ZFYVE16: variants seen among roughly 807,000 people sequenced by gnomAD.
ZFYVE16 encodes the protein zinc finger FYVE-type containing 16.
Under a neutral mutation model 138.1 loss-of-function variants are expected in ZFYVE16, and 89 were observed. That is an observed-to-expected ratio of 0.64 (90% CI 0.54 to 0.77). The LOEUF (loss-of-function observed/expected upper bound fraction) is 0.77, where lower values mean the gene tolerates loss of function less well. Ranked by LOEUF, ZFYVE16 falls within the 30% of genes least tolerant of loss-of-function variation. ZFYVE16 has a pLI of 0.00. For missense variants in ZFYVE16, 1,793 were observed against 1,786.7 expected (o/e 1.00, Z -0.06); for synonymous variants, 596 against 618.3 (o/e 0.96, Z 0.53).
At chr5:80,422,145 T>C (rs1479722139) in intron 1 of ZFYVE16, among the ~76,000 whole-genome samples, 2 of 152,214 alleles carry the variant, frequency 1.3e-5, no homozygotes, top group Non-Finnish European at 2.9e-5. Flanking sequence ...CACCTTAATT[T>C]TGTATCCTGA....
chr5:80,432,919 G>C (rs1014435230), intron 2 of ZFYVE16, among the ~76,000 whole-genome samples: 55 of 152,126 alleles, frequency 3.6e-4, no homozygotes, highest in Admixed American at 1.2e-3. Flanking sequence ...TTAGAATGGC[G>C]ATCCTTAAAA....
chr5:80,435,780 G>T, intron 3 of ZFYVE16: 1 of 427,482 alleles, frequency 2.3e-6, no homozygotes, highest in Non-Finnish European at 4.7e-6. Context: ...TCACTGTGTT[G>T]CTCAGGCTGG....
intron 1 of ZFYVE16, among the ~76,000 whole-genome samples, chr5:80,415,181 A>T (rs1382337113): frequency 6.6e-6 from 1 of 152,054 alleles, no homozygotes; most frequent in African/African-American, 2.4e-5. Context: ...TAACACCTTG[A>T]TTGCATTTTT....
In ZFYVE16 at chr5:80,436,901, C is replaced by G; in HGVS notation, c.216C>G (p.Ser72Arg). The part of the protein sequence containing the change: ...CVNSCASSET[S>R]YGTNESSLNE... The stretch of plus-strand genomic sequence containing the variant: ...ATAGTTGTGCCTCATCAGAAACAAG[C>G]TATGGAACAAATGAGAGTTCCCTGA... Residue 72 changes from serine to arginine, a missense_variant, in exon 4 of 19, where the codon AGC becomes AGG. Physicochemically the swap from Ser to Arg is moderately radical, Grantham distance 110. Transcript: ENST00000505560. The G allele has an allele frequency of 6.2e-7, 1 of 1,614,110 alleles. No individual in the cohort carries two copies. The highest frequency in any genetic ancestry group is 8.5e-7 in the Non-Finnish European group (1 of 1,180,018).
At chr5:80,433,354 G>T (rs1490116665) in intron 2 of ZFYVE16, among the ~76,000 whole-genome samples, 1 of 152,064 alleles carries the variant, frequency 6.6e-6, no homozygotes, top group African/African-American at 2.4e-5. Flanking sequence ...ACCAAACACC[G>T]CATATTCTCA....
intron 1 of ZFYVE16, among the ~76,000 whole-genome samples, chr5:80,424,563 G>A (rs1747720418): frequency 6.6e-6 from 1 of 151,498 alleles, no homozygotes; most frequent in Non-Finnish European, 1.5e-5. Flanking sequence ...CTGGGATCAA[G>A]TGATTCTCCT....
chr5:80,432,110 A>T (rs868767419), intron 2 of ZFYVE16, among the ~76,000 whole-genome samples: 1 of 152,188 alleles, frequency 6.6e-6, no homozygotes, highest in African/African-American at 2.4e-5. Flanking sequence ...GAACCAAAAA[A>T]GGGCCCGCAT....
chr5:80,438,138 T>C lies in ZFYVE16; in HGVS notation c.1453T>C (p.Ser485Pro), dbSNP rs752302972. The C allele has an allele frequency of 2.0e-5, 33 of 1,613,940 alleles. No homozygotes were observed. Among genetic ancestry groups the C allele is most frequent in the Non-Finnish European group, 2.5e-5 (30 of 1,179,974 alleles). The part of the protein sequence containing the change: ...STVVESQEGL[S>P]GTHVPESSDC... Reference sequence around the variant, plus strand: ...AGTTGTAGAATCTCAAGAGGGGCTTTCTGGCACTCATGTCCCAGAGTCTTC... The same window carrying C: ...AGTTGTAGAATCTCAAGAGGGGCTTCCTGGCACTCATGTCCCAGAGTCTTC... The change falls in exon 4 of 19, where the codon TCT becomes CCT. Residue 485 changes from serine to proline, a missense_variant. Coordinates refer to ENST00000505560, the MANE Select transcript of ZFYVE16 (RefSeq NM_001284236.3).
intron 3 of ZFYVE16, chr5:80,435,856 T>C (rs565637546): frequency 2.8e-4 from 68 of 245,844 alleles, no homozygotes; most frequent in Middle Eastern, 5.3e-4. Flanking sequence ...ATTACAGTTG[T>C]AAGCCACCAT....
At chr5:80,455,540 A>C in intron 11 of ZFYVE16, 152 bp from the exon 12 acceptor site, 1 of 506,628 alleles carries the variant, frequency 2.0e-6, no homozygotes, top group Non-Finnish European at 3.3e-6. Flanking sequence ...TCTCAAAAAC[A>C]AAAAAAAAAT....
At chr5:80,416,416 C>G (rs557842667) in intron 1 of ZFYVE16, among the ~76,000 whole-genome samples, 1 of 151,722 alleles carries the variant, frequency 6.6e-6, no homozygotes, top group South Asian at 2.1e-4. Flanking sequence ...GCACCATGCC[C>G]GGCTAATTTT....
At position 80,438,632 on chromosome 5, in the gene ZFYVE16, T is replaced by G. The variant is rs746502407; in HGVS notation, c.1947T>G (p.Pro649=). The G allele has an allele frequency of 6.2e-7, 1 of 1,614,114 alleles. No homozygotes were observed. The highest frequency in any genetic ancestry group is 8.5e-7 in the Non-Finnish European group (1 of 1,179,990). Residue 649 remains proline, a synonymous_variant, in exon 4 of 19, where the codon CCT becomes CCG. Coordinates refer to ENST00000505560, the MANE Select transcript of ZFYVE16 (RefSeq NM_001284236.3). ...GTCAATCTGTTGGAGGGGCCAGACC[T>G]AAGCAATTGTTTAGCCTTCCATCAA... The part of the protein sequence containing the change: ...INSQSVGGAR[P]KQLFSLPSRT...
intron 3 of ZFYVE16, among the ~76,000 whole-genome samples, chr5:80,434,453 A>G (rs528600707): frequency 1.2e-3 from 184 of 152,344 alleles, no homozygotes; most frequent in African/African-American, 3.8e-3. Context: ...CAAATTAGCT[A>G]TAAGACAGAC....
Position 80,438,939 on chromosome 5 carries a change from A to C in ZFYVE16, c.2254A>C (p.Asn752His). The C allele has an allele frequency of 6.2e-7, 1 of 1,614,082 alleles. No homozygotes were observed. Among genetic ancestry groups the C allele is most frequent in the South Asian group, 1.1e-5 (1 of 91,078 alleles). Reference protein sequence around the residue: ...PTWVPDSEAPNCMNCQVKFTF... With the variant: ...PTWVPDSEAPHCMNCQVKFTF... ...TTGGGTTCCTGATTCAGAAGCTCCA[A>C]ACTGTATGAACTGCCAAGTCAAATT... is the stretch of plus-strand genomic sequence containing the variant. The change falls in exon 4 of 19, where the codon AAC becomes CAC. Residue 752 changes from asparagine (N) to histidine (H), a missense_variant. Physicochemically the swap from Asn to His is moderately conservative, Grantham distance 68. Around this residue, in one of 2 missense-constraint regions of ZFYVE16, gnomAD observed 1,295 missense variants for 1,204.3 expected, o/e 1.08. Coordinates refer to ENST00000505560, the MANE Select transcript of ZFYVE16 (RefSeq NM_001284236.3).
chr5:80,456,303 A>G (rs909904024), intron 12 of ZFYVE16, 158 bp from the exon 13 acceptor site: 1 of 535,148 alleles, frequency 1.9e-6, no homozygotes, highest in Non-Finnish European at 3.3e-6. Flanking sequence ...CTATTTTGGA[A>G]GTTCTGTAAC....
In ZFYVE16 at chr5:80,479,218, A is replaced by G. The variant is rs925544659; in HGVS notation, c.*1841A>G. ...CATTGGTACTTAATTTGAAATTTTAATTTTTTAAGAGAAGAAATAGAATGG... is the reference window on the plus strand; with the variant it reads ...CATTGGTACTTAATTTGAAATTTTAGTTTTTTAAGAGAAGAAATAGAATGG... On this transcript the variant is annotated 3_prime_UTR_variant, in exon 19 of 19. Transcript: ENST00000505560. 6.6e-6 allele frequency: 1 copy of G among 152,140 alleles called. No individual in the cohort carries two copies. Among genetic ancestry groups the G allele is most frequent in the Non-Finnish European group, 1.5e-5 (1 of 68,008 alleles). The allele number at this position is 152,140 out of a possible 1,614,324, so 9.4% of individuals were successfully genotyped here.
intron 15 of ZFYVE16, among the ~76,000 whole-genome samples, chr5:80,468,419 A>C (rs249027): frequency 0.78 from 118,110 of 152,118 alleles, 49,018 homozygotes; most frequent in East Asian, 0.92. Flanking sequence ...GGTATAGCCA[A>C]TTGCTCCTAG....
rs114103005 is a variant in ZFYVE16, at chr5:80,451,026, G to A, written c.3382+440G>A. Among the ~76,000 whole-genome samples, 779 of 152,156 alleles carry A rather than the reference G, an allele frequency of 5.1e-3. 3 individuals are homozygous for A. The highest frequency in any genetic ancestry group is 0.017 in the Middle Eastern group (5 of 294). On this transcript the variant is annotated intron_variant, in intron 10 of 18. Transcript: ENST00000505560. ...AAGGTTTCACCATGCTGGCCAGGCT[G>A]GTCTAGAACTTCTGACCTCAAGTGA...
At chr5:80,433,200 A>G (rs1242007342) in intron 2 of ZFYVE16, among the ~76,000 whole-genome samples, 8 of 152,346 alleles carry the variant, frequency 5.3e-5, no homozygotes, top group South Asian at 2.1e-4. Context: ...ATGTCCATCA[A>G]TGATAGACTG....
Sources: gnomAD v4.1 joint callset for allele counts (sites outside exome capture counted in the v4.1 genomes callset) on GRCh38, gnomAD v4.1.1 for gene constraint, gnomAD v4.1.1 regional missense constraint, MANE v1.5 for transcripts, NCBI Gene and HGNC (gene_info 2026-07-23, HGNC 2026-07-21) for gene names.